The following EPHB1 variants were observed in gnomAD, a reference collection of about 807,000 sequenced individuals.
EPHB1 encodes the protein EPH receptor B1.
Under a neutral mutation model 94.4 loss-of-function variants are expected in EPHB1, and 30 were observed. The ratio of observed to expected loss-of-function variants is 0.32; its 90% CI spans 0.24 to 0.43. The LOEUF (loss-of-function observed/expected upper bound fraction) is 0.43. Ranked by LOEUF, EPHB1 falls within the 20% of genes least tolerant of loss-of-function variation. The pLI, the probability that EPHB1 is intolerant of heterozygous loss-of-function variation, is 1.00. For missense variants in EPHB1, 1,055 were observed against 1,308.3 expected (o/e 0.81, Z 2.99); for synonymous variants, 522 against 489.1 (o/e 1.07, Z -0.89).
intron 3 of EPHB1, among the ~76,000 whole-genome samples, chr3:135,079,188 C>T (rs1227783103): frequency 6.6e-6 from 1 of 152,136 alleles, no homozygotes; most frequent in Non-Finnish European, 1.5e-5. Context: ...TAATGCCTCT[C>T]TTGGGCTTAG....
chr3:135,196,546 G>A (rs1203375881), intron 11 of EPHB1, among the ~76,000 whole-genome samples: 3 of 152,088 alleles, frequency 2.0e-5, no homozygotes, highest in African/African-American at 4.8e-5. Flanking sequence ...CCTTACTACC[G>A]AACCCTGGAG....
intron 2 of EPHB1, among the ~76,000 whole-genome samples, chr3:134,927,156 C>G (rs937646275): frequency 2.6e-5 from 4 of 152,190 alleles, no homozygotes; most frequent in African/African-American, 9.7e-5. Flanking sequence ...ACCTCTATGC[C>G]CCATGAAGGA....
At chr3:135,009,266 T>C (rs932632024) in intron 3 of EPHB1, among the ~76,000 whole-genome samples, 3 of 152,090 alleles carry the variant, frequency 2.0e-5, no homozygotes, top group African/African-American at 4.8e-5. Context: ...CCCAGAGCCA[T>C]GAGGAGGACA....
intron 1 of EPHB1, among the ~76,000 whole-genome samples, chr3:134,814,632 G>A (rs921296928): frequency 1.3e-5 from 2 of 152,150 alleles, no homozygotes; most frequent in Admixed American, 1.3e-4. Flanking sequence ...CCGAAATGGG[G>A]AACCTGCAGA....
intron 3 of EPHB1, among the ~76,000 whole-genome samples, chr3:135,006,581 G>A (rs1935424934): frequency 1.3e-5 from 2 of 152,342 alleles, no homozygotes; most frequent in South Asian, 4.1e-4. Flanking sequence ...TGTAATCCTA[G>A]CTACTTGGGA....
chr3:134,827,547 T>A (rs1335642710), intron 1 of EPHB1, among the ~76,000 whole-genome samples: 1 of 152,246 alleles, frequency 6.6e-6, no homozygotes, highest in Non-Finnish European at 1.5e-5. Flanking sequence ...TCATCAGGTT[T>A]ATGTTGTGAC....
intron 3 of EPHB1, among the ~76,000 whole-genome samples, chr3:135,035,262 C>T (rs1936609450): frequency 6.6e-6 from 1 of 152,156 alleles, no homozygotes; most frequent in South Asian, 2.1e-4. Flanking sequence ...CCAAAACCTG[C>T]CATCACCCCT....
At chr3:135,065,685 T>C (rs1576357613) in intron 3 of EPHB1, among the ~76,000 whole-genome samples, 2 of 152,236 alleles carry the variant, frequency 1.3e-5, no homozygotes, top group East Asian at 3.8e-4. Flanking sequence ...ACCATTTACA[T>C]TCAATGTTAG....
intron 2 of EPHB1, among the ~76,000 whole-genome samples, chr3:134,937,678 ACT>A (rs1273308411): frequency 5.9e-5 from 9 of 151,768 alleles, no homozygotes; most frequent in Admixed American, 1.3e-4. Flanking sequence ...CCCAGGGGTG[ACT>A]CTCTGCTCCT....
At chr3:135,103,298 A>T (rs945293830) in intron 3 of EPHB1, among the ~76,000 whole-genome samples, 2 of 152,202 alleles carry the variant, frequency 1.3e-5, no homozygotes, top group Non-Finnish European at 2.9e-5. Context: ...TGTAAAATAT[A>T]TTTTGTAGAT....
At chr3:134,920,940 G>T (rs1560297424) in intron 1 of EPHB1, among the ~76,000 whole-genome samples, 1 of 151,870 alleles carries the variant, frequency 6.6e-6, no homozygotes, top group African/African-American at 2.4e-5. Flanking sequence ...TTTGAGACGG[G>T]GTCTTGTTAT....
intron 1 of EPHB1, among the ~76,000 whole-genome samples, chr3:134,825,259 C>T (rs1355795152): frequency 6.6e-6 from 1 of 152,222 alleles, no homozygotes; most frequent in African/African-American, 2.4e-5. Flanking sequence ...TTACGATCAT[C>T]TGTCAGTTTT....
chr3:134,852,812 A>G lies in EPHB1; in HGVS notation c.58+57123A>G, dbSNP rs1372048255. 3.9e-5 allele frequency among the ~76,000 whole-genome samples: 6 copies of G among 152,350 alleles called. No homozygotes were observed. The East Asian group carries it at 1.2e-3, about 29-fold the overall frequency. On this transcript the variant is annotated intron_variant, in intron 1 of 15. Transcript: ENST00000398015. Reference sequence around the variant, plus strand: ...CCAGGCCACTGTCATGGGATAAGGGACAGGGGACAAGAAAAAGCAGCAAAA... The same window carrying G: ...CCAGGCCACTGTCATGGGATAAGGGGCAGGGGACAAGAAAAAGCAGCAAAA...
At chr3:134,874,597 A>T (rs2037578303) in intron 1 of EPHB1, among the ~76,000 whole-genome samples, 1 of 152,330 alleles carries the variant, frequency 6.6e-6, no homozygotes, top group East Asian at 1.9e-4. Context: ...AACCCCCTCA[A>T]GGTCTGTGAG....
intron 5 of EPHB1, among the ~76,000 whole-genome samples, chr3:135,137,190 C>T (rs183929396): frequency 5.3e-5 from 8 of 152,224 alleles, no homozygotes; most frequent in Admixed American, 3.3e-4. Context: ...TCAAAGACCC[C>T]TAAGGCCAGG....
At chr3:135,045,542 C>T (rs1171217984) in intron 3 of EPHB1, among the ~76,000 whole-genome samples, 1 of 152,144 alleles carries the variant, frequency 6.6e-6, no homozygotes, top group Non-Finnish European at 1.5e-5. Flanking sequence ...CATACACAAG[C>T]TGTGGGTATT....
At chr3:135,161,958 T>A in intron 6 of EPHB1, 60 bp from the exon 7 acceptor site, 1 of 1,526,982 alleles carries the variant, frequency 6.5e-7, no homozygotes, top group Non-Finnish European at 8.8e-7. Flanking sequence ...CAGGGTGGAG[T>A]GGGCTGGGGG....
chr3:135,244,856 C>T (rs1485542838), intron 13 of EPHB1, among the ~76,000 whole-genome samples: 2 of 152,180 alleles, frequency 1.3e-5, no homozygotes, highest in Admixed American at 6.5e-5. Context: ...AATGATTGAT[C>T]TCAGTATTTT....
At chr3:135,114,674 G>A (rs1251156980) in intron 4 of EPHB1, among the ~76,000 whole-genome samples, 1 of 150,288 alleles carries the variant, frequency 6.7e-6, no homozygotes, top group African/African-American at 2.4e-5. Context: ...AGTGAGCCAA[G>A]ATCGTGTCAC....
Sources: gnomAD v4.1 joint callset for allele counts (sites outside exome capture counted in the v4.1 genomes callset) on GRCh38, gnomAD v4.1.1 for gene constraint, MANE v1.5 for transcripts, NCBI Gene and HGNC (gene_info 2026-07-23, HGNC 2026-07-21) for gene names.